The following FADS1 variants were observed in gnomAD, a reference collection of about 807,000 sequenced individuals.
The protein encoded by FADS1 is fatty acid desaturase 1.
A neutral mutation model predicts 61.6 loss-of-function variants in FADS1; 17 were observed. That is an observed-to-expected ratio of 0.28 (90% confidence interval 0.19 to 0.41). FADS1 has a LOEUF of 0.41. FADS1 is among the 10% of genes least tolerant of loss of function. The pLI is 1.00. For missense variants in FADS1, 387 were observed against 650.9 expected, an observed-to-expected ratio of 0.59 and a Z score of 4.41; for synonymous variants, 238 against 258.7, an observed-to-expected ratio of 0.92 and a Z score of 0.77.
At position 61,816,901 on chromosome 11, in the gene FADS1, C is replaced by G. The variant is rs1254105760; in HGVS notation, c.29G>C (p.Gly10Ala). The stretch of plus-strand genomic sequence containing the variant: ...CGGGTTTTCAGCACCGCAGGGCAGA[C>G]CGGCGGGCCTCGCAGCGCGCGTTCC... MGTRAARPA[G>A]LPCGAENPAR... Residue 10 changes from glycine (G) to alanine (A), a missense_variant, in exon 1 of 12, where the codon GGT becomes GCT. Gly to Ala is a moderately conservative substitution (Grantham distance 60). Around this residue, in one of 2 missense-constraint regions of FADS1, gnomAD observed 130 missense variants for 117.7 expected, o/e 1.10. Coordinates refer to ENST00000350997, the MANE Select transcript of FADS1 (RefSeq NM_013402.7). The surrounding 1 kb of genome is among the most constrained non-coding windows in gnomAD (Gnocchi z 7.0). The G allele has an allele frequency of 1.4e-6, 2 of 1,420,030 alleles. No individual in the cohort carries two copies. Among genetic ancestry groups the G allele is most frequent in the South Asian group, 3.0e-5 (2 of 67,642 alleles). 88.0% of individuals were successfully genotyped at this position (1,420,030 alleles called of 1,614,324 possible). A position where few individuals can be genotyped will look rare whatever the true frequency, so the allele number is the denominator to read the frequency against.
chr11:61,804,721 A>G lies in FADS1; in HGVS notation c.1017T>C (p.Tyr339=), dbSNP rs1160421711. 1.9e-6 allele frequency: 3 copies of G among 1,614,158 alleles called. No homozygotes were observed. Among genetic ancestry groups the G allele is most frequent in the South Asian group, 1.1e-5 (1 of 91,082 alleles). The stretch of plus-strand genomic sequence containing the variant: ...TTCGCTGGATAACAAAATAGAAAAT[A>G]TACCACTGGAAGTAGAGAGGCAGCA... ...PALLPLYFQW[Y]IFYFVIQRKK... is the part of the protein sequence containing the mutation. The change falls in exon 7 of 12, where the codon TAT becomes TAC. Residue 339 remains tyrosine, a synonymous_variant. Transcript: ENST00000350997.
At chr11:61,812,230 T>A (rs553545122) in intron 3 of FADS1, among the ~76,000 whole-genome samples, 1 of 152,088 alleles carries the variant, frequency 6.6e-6, no homozygotes, top group Non-Finnish European at 1.5e-5. Flanking sequence ...ACAAACCGCA[T>A]AGGAAGAAGA....
intron 3 of FADS1, chr11:61,811,902 G>A (rs935917509): frequency 2.3e-6 from 1 of 435,936 alleles, no homozygotes; most frequent in Non-Finnish European, 4.6e-6. Flanking sequence ...TGTATTTTTA[G>A]TAGAGGTTTC....
chr11:61,803,513 A>AT lies in FADS1; in HGVS notation c.1152-55dup. The AT allele has an allele frequency of 6.7e-7, 1 of 1,498,160 alleles. No homozygotes were observed. 92.8% of individuals were successfully genotyped at this position (1,498,160 alleles called of 1,614,324 possible). A position where few individuals can be genotyped will look rare whatever the true frequency, so the allele number is the denominator to read the frequency against. On this transcript the variant is annotated intron_variant, in intron 8 of 11. Coordinates refer to ENST00000350997, the MANE Select transcript of FADS1 (RefSeq NM_013402.7). This position sits in a 1 kb window ranked among gnomAD's most constrained non-coding sequence, Gnocchi z 4.3. ...AGTACACACAGAGCCCAGAATTCTG[A>AT]TTCCCCCCTCAGATAACTGCTCCAG... is the stretch of plus-strand genomic sequence containing the variant.
At position 61,810,748 on chromosome 11, in the gene FADS1, C is replaced by T. The variant is rs780543580; in HGVS notation, c.915+3G>A. The T allele has an allele frequency of 2.5e-6, 4 of 1,614,138 alleles. No homozygotes were observed. Among genetic ancestry groups the T allele is most frequent in the Admixed American group, 3.3e-5 (2 of 60,032 alleles). ...AGACCTTTCCACTGATACCTCCACG[C>T]ACCTCCACAGAGAGGATCTTCCCCA... On this transcript the variant is annotated splice_donor_region_variant and intron_variant, in intron 5 of 11. Coordinates refer to ENST00000350997, the MANE Select transcript of FADS1 (RefSeq NM_013402.7).
At position 61,803,539 on chromosome 11, in the gene FADS1, C is replaced by G. The variant is rs547017118; in HGVS notation, c.1152-80G>C. 1.0e-5 allele frequency: 14 copies of G among 1,405,612 alleles called. No homozygotes were observed. The South Asian group carries it at 1.5e-4, about 15-fold the overall frequency. The allele number at this position is 1,405,612 out of a possible 1,614,324, so 87.1% of individuals were successfully genotyped here. A position where few individuals can be genotyped will look rare whatever the true frequency, so the allele number is the denominator to read the frequency against. On this transcript the variant is annotated intron_variant, in intron 8 of 11. Transcript: ENST00000350997. This position sits in a 1 kb window ranked among gnomAD's most constrained non-coding sequence, Gnocchi z 4.3. ...TTCCCCCCTCAGATAACTGCTCCAG[C>G]CTGTCTACTTTCCCAAGCCAACTCC...
rs1208992114 is a variant in FADS1, at chr11:61,800,089, G to A, written c.*2322C>T. On this transcript the variant is annotated 3_prime_UTR_variant, in exon 12 of 12. Transcript: ENST00000350997. ...AAGCTACTTGGCTAAACAGGCTGGT[G>A]ACACCACACCCAAAAGGTGGCAAAG... is the stretch of plus-strand genomic sequence containing the variant. 1 of 152,758 alleles carries A rather than the reference G, an allele frequency of 6.5e-6. No homozygotes were observed. The highest frequency in any genetic ancestry group is 2.4e-5 in the African/African-American group (1 of 41,442). The allele number at this position is 152,758 out of a possible 1,614,324, so 9.5% of individuals were successfully genotyped here.
chr11:61,802,977 G>A lies in FADS1; in HGVS notation c.1329-51C>T. The A allele has an allele frequency of 1.9e-6, 3 of 1,613,788 alleles. No homozygotes were observed. Among genetic ancestry groups the A allele is most frequent in the Non-Finnish European group, 2.5e-6 (3 of 1,179,796 alleles). On this transcript the variant is annotated intron_variant, in intron 10 of 11. Coordinates refer to ENST00000350997, the MANE Select transcript of FADS1 (RefSeq NM_013402.7). The surrounding 1 kb of genome is among the most constrained non-coding windows in gnomAD (Gnocchi z 4.2). ...GGTTCCTGCTTCTCTGCTCCCACCT[G>A]TACCCAACACTTACACCCTCCCCAG... is the stretch of plus-strand genomic sequence containing the variant.
Position 61,811,834 on chromosome 11 carries a change from C to A in FADS1, c.684+637G>T, listed in dbSNP as rs375666696. On this transcript the variant is annotated intron_variant, in intron 3 of 11. Transcript: ENST00000350997. ...AACTCCTCACCTCAAATGATCTGCC[C>A]ATCTTGGCCTCCCAAGGTACTGGTA... 308 of 444,978 alleles carry A rather than the reference C, an allele frequency of 6.9e-4. 6 individuals carry two copies. The highest frequency in any genetic ancestry group is 4.7e-3 in the South Asian group (301 of 63,382). 27.6% of individuals were successfully genotyped at this position (444,978 alleles called of 1,614,324 possible). A position where few individuals can be genotyped will look rare whatever the true frequency, so the allele number is the denominator to read the frequency against.
In FADS1 at chr11:61,802,827, C is replaced by G; in HGVS notation, c.1428G>C (p.Leu476=). The change falls in exon 11 of 12, where the codon CTG becomes CTC. Residue 476 remains leucine (L), a synonymous_variant. Transcript: ENST00000350997. This position sits in a 1 kb window ranked among gnomAD's most constrained non-coding sequence, Gnocchi z 4.2. Reference sequence around the variant, plus strand: ...GGATGATGTCGGCGAAGGCTGACAGCAGGGGCTTGGACTGGTACTCTATGC... The same window carrying G: ...GGATGATGTCGGCGAAGGCTGACAGGAGGGGCTTGGACTGGTACTCTATGC... ...KHGIEYQSKP[L]LSAFADIIHS... The G allele has an allele frequency of 6.2e-7, 1 of 1,614,238 alleles. No individual in the cohort carries two copies.
rs898388084 is a variant in FADS1 at position 61,801,576 on chromosome 11, T to C, written c.*835A>G. The C allele has an allele frequency of 3.3e-5, 5 of 152,358 alleles. No individual in the cohort carries two copies. Among genetic ancestry groups the C allele is most frequent in the South Asian group, 2.1e-4 (1 of 4,832 alleles). The allele number at this position is 152,358 out of a possible 1,614,324, so 9.4% of individuals were successfully genotyped here. ...TAAACCAAAATCAGTGGTTCCAGGA[T>C]CCTTCAGAGCCAAAAGACCCCAATA... On this transcript the variant is annotated 3_prime_UTR_variant, in exon 12 of 12. Transcript: ENST00000350997.
Position 61,815,235 on chromosome 11 carries a change from T to C in FADS1, c.375+1320A>G. 6.0e-6 allele frequency: 1 copy of C among 167,288 alleles called. No individual in the cohort carries two copies. The highest frequency in any genetic ancestry group is 5.7e-4 in the Middle Eastern group (1 of 1,748). 10.4% of individuals were successfully genotyped at this position (167,288 alleles called of 1,614,324 possible). A position where few individuals can be genotyped will look rare whatever the true frequency, so the allele number is the denominator to read the frequency against. On this transcript the variant is annotated intron_variant, in intron 1 of 11. Transcript: ENST00000350997. The surrounding 1 kb of genome is among the most constrained non-coding windows in gnomAD (Gnocchi z 6.4). Reference sequence around the variant, plus strand: ...ACCAATCGCCGTCCCCGCCGCGGCATTCCCGGCCCCAAATCACACTGCGGG... The same window carrying C: ...ACCAATCGCCGTCCCCGCCGCGGCACTCCCGGCCCCAAATCACACTGCGGG...
In FADS1 at chr11:61,802,833, C is replaced by T; in HGVS notation, c.1422G>A (p.Lys474=). ...TGTCGGCGAAGGCTGACAGCAGGGG[C>T]TTGGACTGGTACTCTATGCCATGCT... ...CAKHGIEYQS[K]PLLSAFADII... The change falls in exon 11 of 12, where the codon AAG becomes AAA. Residue 474 remains lysine (K), a synonymous_variant. Coordinates refer to ENST00000350997, the MANE Select transcript of FADS1 (RefSeq NM_013402.7). This position sits in a 1 kb window ranked among gnomAD's most constrained non-coding sequence, Gnocchi z 4.2. 1 of 1,614,206 alleles carries T rather than the reference C, an allele frequency of 6.2e-7. No homozygotes were observed. The highest frequency in any genetic ancestry group is 8.5e-7 in the Non-Finnish European group (1 of 1,180,044).
chr11:61,804,833 A>T (rs757418506), intron 6 of FADS1, 72 bp from the exon 7 acceptor site: 1 of 1,304,804 alleles, frequency 7.7e-7, no homozygotes, highest in Admixed American at 1.7e-5. Flanking sequence ...TGATGTTGGG[A>T]GAGATGGCCT....
Position 61,816,189 on chromosome 11 carries a change from C to T in FADS1, c.375+366G>A. The T allele has an allele frequency of 6.9e-7, 1 of 1,458,420 alleles. No individual in the cohort carries two copies. The allele number at this position is 1,458,420 out of a possible 1,614,324, so 90.3% of individuals were successfully genotyped here. A position where few individuals can be genotyped will look rare whatever the true frequency, so the allele number is the denominator to read the frequency against. On this transcript the variant is annotated intron_variant, in intron 1 of 11. Transcript: ENST00000350997. The surrounding 1 kb of genome is among the most constrained non-coding windows in gnomAD (Gnocchi z 7.0). Reference sequence around the variant, plus strand: ...CCCCTGGCCACTGACCCCCTCCCTCCCCAGGCGGCCTGCATCCTTGCTCTC... The same window carrying T: ...CCCCTGGCCACTGACCCCCTCCCTCTCCAGGCGGCCTGCATCCTTGCTCTC...
Position 61,813,431 on chromosome 11 carries a change from C to T in FADS1, c.376-78G>A, listed in dbSNP as rs1046662425. ...GGCAGTGTTCGCACCAAAGGCCATC[C>T]TCCTGCCCGCCAGAAGGCTGTACCC... On this transcript the variant is annotated intron_variant, in intron 1 of 11. Transcript: ENST00000350997. 33 of 804,328 alleles carry T rather than the reference C, an allele frequency of 4.1e-5. No individual in the cohort carries two copies. In the Admixed American group the frequency reaches 7.0e-4, roughly 17 times the overall value. 49.8% of individuals were successfully genotyped at this position (804,328 alleles called of 1,614,324 possible). A position where few individuals can be genotyped will look rare whatever the true frequency, so the allele number is the denominator to read the frequency against.
chr11:61,809,302 C>T (rs891233506), intron 5 of FADS1, among the ~76,000 whole-genome samples: 5 of 152,118 alleles, frequency 3.3e-5, no homozygotes, highest in Admixed American at 2.0e-4. Flanking sequence ...CTGTAAGTTA[C>T]GTTGAACTCT....
chr11:61,813,994 TCC>T (rs2066952032), intron 1 of FADS1: 1 of 139,066 alleles, frequency 7.2e-6, no homozygotes, highest in South Asian at 2.3e-4. Context: ...AAAAGGCTGC[TCC>T]CCCTCACACC....
chr11:61,808,148 C>T (rs1242676869), intron 5 of FADS1, among the ~76,000 whole-genome samples: 3 of 152,098 alleles, frequency 2.0e-5, no homozygotes, highest in Non-Finnish European at 4.4e-5. Flanking sequence ...CCAACCTGGG[C>T]AACATGGTGA....
Sources: gnomAD v4.1 joint callset for allele counts (sites outside exome capture counted in the v4.1 genomes callset) on GRCh38, gnomAD v4.1.1 for gene constraint, gnomAD v4.1.1 regional missense constraint, Gnocchi (gnomAD v3.1) non-coding constraint, MANE v1.5 for transcripts, NCBI Gene and HGNC (gene_info 2026-07-23, HGNC 2026-07-21) for gene names.